Variants in SGSM1 observed in about 807,000 individuals in gnomAD.
The protein encoded by SGSM1 is small G protein signaling modulator 1, also known as RUN and TBC1 domain containing 2.
A neutral mutation model predicts 133.8 loss-of-function variants in SGSM1; 73 were observed. The ratio of observed to expected loss-of-function variants is 0.55; its 90% CI spans 0.45 to 0.66. SGSM1 has a LOEUF of 0.66. SGSM1 is among the 30% of genes least tolerant of loss of function. SGSM1 has a pLI of 0.00. For missense variants in SGSM1, 1,213 were observed against 1,448.1 expected (o/e 0.84, Z 2.64); for synonymous variants, 563 against 573.0 (o/e 0.98, Z 0.25).
chr22:24,834,758 C>CTTTTTTTTTTTTTTTTTTT (rs139641), intron 2 of SGSM1, among the ~76,000 whole-genome samples: 1 of 146,088 alleles, frequency 6.8e-6, no homozygotes. Context: ...TCTAAATTTC[C>CTTTTTTTTTTTTTTTTTTT]TTTTTTTTTT....
chr22:24,884,214 G>A lies in SGSM1; in HGVS notation c.1641+16G>A, dbSNP rs9624644. 8,791 of 1,608,976 alleles carry A rather than the reference G, an allele frequency of 5.5e-3. 424 individuals carry two copies. The African/African-American group carries it at 0.1, about 19-fold the overall frequency. ...CGACAGCACAGTAAGGCTTAGCTGG[G>A]CTTGGTCTGCAGTGATGCAGAGGCT... On this transcript the variant is annotated intron_variant, in intron 15 of 24. Transcript: ENST00000400358.
Position 24,893,487 on chromosome 22 carries a change from C to T in SGSM1, c.1827C>T (p.Cys609=), listed in dbSNP as rs762744452. 5.6e-6 allele frequency: 9 copies of T among 1,613,740 alleles called. No homozygotes were observed. The highest frequency in any genetic ancestry group is 2.2e-5 in the East Asian group (1 of 44,854). ...YAQTMAEWLG[C]EAIVRQRERE... ...AGACCATGGCTGAGTGGCTGGGCTG[C>T]GAGGCGATCGTGCGGCAGAGGGAGC... The change falls in exon 17 of 25, where the codon TGC becomes TGT. Residue 609 remains cysteine, a synonymous_variant. Transcript: ENST00000400358.
At chr22:24,839,932 CTTTTTTTTTTT>C (rs758631851) in intron 2 of SGSM1, among the ~76,000 whole-genome samples, 1 of 106,482 alleles carries the variant, frequency 9.4e-6, no homozygotes, top group Non-Finnish European at 1.8e-5. Context: ...AACCATCTCT[CTTTTTTTTTTT>C]TTTTTTTTTG....
chr22:24,919,311 A>G (rs971119626), intron 23 of SGSM1, among the ~76,000 whole-genome samples: 1 of 151,942 alleles, frequency 6.6e-6, no homozygotes, highest in African/African-American at 2.4e-5. Flanking sequence ...CGGCCTCCCA[A>G]AGTGCTGGGA....
intron 21 of SGSM1, among the ~76,000 whole-genome samples, chr22:24,906,211 C>A (rs1441580913): frequency 6.6e-6 from 1 of 152,132 alleles, no homozygotes; most frequent in East Asian, 1.9e-4. Context: ...AAATCCAACA[C>A]CCTTTCATAA....
chr22:24,829,223 T>A (rs936490226), intron 2 of SGSM1, among the ~76,000 whole-genome samples: 2 of 151,448 alleles, frequency 1.3e-5, no homozygotes, highest in African/African-American at 4.9e-5. Flanking sequence ...TGAGATCATA[T>A]CCTTCGCAGG....
intron 16 of SGSM1, among the ~76,000 whole-genome samples, chr22:24,890,698 G>A (rs939022964): frequency 2.0e-5 from 3 of 152,148 alleles, no homozygotes; most frequent in African/African-American, 4.8e-5. Context: ...CTGCCACCAC[G>A]TCCGGCTAAT....
At chr22:24,857,481 T>G (rs1930873589) in intron 8 of SGSM1, among the ~76,000 whole-genome samples, 1 of 152,148 alleles carries the variant, frequency 6.6e-6, no homozygotes, top group African/African-American at 2.4e-5. Context: ...TATTTGCTAC[T>G]TAGAAATTTT....
chr22:24,807,519 A>G lies in SGSM1; in HGVS notation c.63+1035A>G, dbSNP rs145395339. On this transcript the variant is annotated intron_variant, in intron 2 of 24. Transcript: ENST00000400358. ...TGTGGCATGTGATGCATGAGTCTGCATGAATAACTAGGGCTGTGACTCCGT... is the reference window on the plus strand; with the variant it reads ...TGTGGCATGTGATGCATGAGTCTGCGTGAATAACTAGGGCTGTGACTCCGT... Among the ~76,000 whole-genome samples, 550 of 151,812 alleles carry G rather than the reference A, an allele frequency of 3.6e-3. 2 individuals carry two copies. Among genetic ancestry groups the G allele is most frequent in the African/African-American group, 0.013 (525 of 41,386 alleles).
rs114874236 is a variant in SGSM1 at position 24,820,863 on chromosome 22, C to A, written c.63+14379C>A. Among the ~76,000 whole-genome samples the A allele has an allele frequency of 4.4e-3, 669 of 152,238 alleles. 6 individuals are homozygous for A. Among genetic ancestry groups the A allele is most frequent in the African/African-American group, 0.015 (630 of 41,540 alleles). Reference sequence around the variant, plus strand: ...AGGGCAGAGGCGGATAATGACCGTGCAAACAGATGAAGAAATGCGATGAAT... The same window carrying A: ...AGGGCAGAGGCGGATAATGACCGTGAAAACAGATGAAGAAATGCGATGAAT... On this transcript the variant is annotated intron_variant, in intron 2 of 24. Coordinates refer to ENST00000400358, the MANE Select transcript of SGSM1 (RefSeq NM_001098497.3).
In SGSM1 at chr22:24,824,426, AC is replaced by A. The variant is rs1192458855; in HGVS notation, c.63+17946del. On this transcript the variant is annotated intron_variant, in intron 2 of 24. Transcript: ENST00000400358. Reference sequence around the variant, plus strand: ...TGGCACCGTCTCTCCCCTTCCCCACACCCCAAGTCTGTTGGTGTCTGTGCTT... The same window carrying A: ...TGGCACCGTCTCTCCCCTTCCCCACACCCAAGTCTGTTGGTGTCTGTGCTT... Among the ~76,000 whole-genome samples, 4 of 151,706 alleles carry A rather than the reference AC, an allele frequency of 2.6e-5. No individual in the cohort carries two copies. The East Asian group carries it at 7.8e-4, about 29-fold the overall frequency.
intron 21 of SGSM1, among the ~76,000 whole-genome samples, chr22:24,912,041 C>T (rs192171705): frequency 1.4e-4 from 20 of 139,374 alleles, no homozygotes; most frequent in African/African-American, 3.8e-4. Context: ...GGCGACAGAG[C>T]GAGATTCTGT....
At chr22:24,862,781 C>A (rs35006157) in intron 9 of SGSM1, among the ~76,000 whole-genome samples, 45 of 152,300 alleles carry the variant, frequency 3.0e-4, no homozygotes, top group Non-Finnish European at 5.3e-4. Flanking sequence ...GCCTTTGCTC[C>A]ACTGTCACCT....
chr22:24,855,944 T>C (rs559597798), intron 8 of SGSM1: 2 of 646,910 alleles, frequency 3.1e-6, no homozygotes, highest in Admixed American at 2.1e-5. Flanking sequence ...TTTACATCCA[T>C]CTATCCAACC....
In SGSM1 at chr22:24,868,547, A is replaced by T; in HGVS notation, c.1158+8A>T. 3 of 1,613,756 alleles carry T rather than the reference A, an allele frequency of 1.9e-6. No homozygotes were observed. Among genetic ancestry groups the T allele is most frequent in the Non-Finnish European group, 2.5e-6 (3 of 1,179,842 alleles). ...TGGTCCCAGAGGGGTAAGGTGAGTGATCATCGGGACCCAGGGAGGCTGGGG... is the reference window on the plus strand; with the variant it reads ...TGGTCCCAGAGGGGTAAGGTGAGTGTTCATCGGGACCCAGGGAGGCTGGGG... On this transcript the variant is annotated splice_region_variant and intron_variant, in intron 11 of 24. Transcript: ENST00000400358.
chr22:24,864,297 A>C (rs1351729358), intron 9 of SGSM1, among the ~76,000 whole-genome samples: 1 of 152,162 alleles, frequency 6.6e-6, no homozygotes, highest in African/African-American at 2.4e-5. Flanking sequence ...CTTGTGACCC[A>C]GCAATTCTGC....
At chr22:24,906,841 C>A (rs1933399943) in intron 21 of SGSM1, among the ~76,000 whole-genome samples, 1 of 152,074 alleles carries the variant, frequency 6.6e-6, no homozygotes, top group African/African-American at 2.4e-5. Flanking sequence ...ATTCCAGTTA[C>A]TTGGGAGGCT....
intron 13 of SGSM1, 106 bp downstream of exon 13, chr22:24,876,821 G>A (rs1045070252): frequency 1.9e-5 from 27 of 1,442,852 alleles, no homozygotes; most frequent in Admixed American, 1.4e-4. Context: ...CATAACCTGC[G>A]GACTCAGGCA....
intron 16 of SGSM1, among the ~76,000 whole-genome samples, chr22:24,887,107 T>TTGTATGTGTGTG (rs1932651468): frequency 6.9e-6 from 1 of 145,212 alleles, no homozygotes; most frequent in African/African-American, 2.5e-5. Flanking sequence ...TTGTACTTAT[T>TTGTATGTGTGTG]TGTGTGTGTG....
Sources: gnomAD v4.1 joint callset for allele counts (sites outside exome capture counted in the v4.1 genomes callset) on GRCh38, gnomAD v4.1.1 for gene constraint, MANE v1.5 for transcripts, NCBI Gene and HGNC (gene_info 2026-07-23, HGNC 2026-07-21) for gene names.